The following RTL4 variants were observed in gnomAD, a reference collection of about 807,000 sequenced individuals.
RTL4 encodes retrotransposon Gag-like protein 4.
RTL4 carries 4 observed loss-of-function variants against 5.3 expected under a neutral mutation model. The observed-to-expected ratio is 0.75, with a 90% CI of 0.37 to 1.72. The LOEUF (loss-of-function observed/expected upper bound fraction) is 1.72, where lower values mean the gene tolerates loss of function less well. Ranked by LOEUF, RTL4 falls within the 40% of genes most tolerant of loss-of-function variation. The pLI is 0.04. For missense variants in RTL4, 260 were observed against 227.1 expected (o/e 1.14, Z -0.93); for synonymous variants, 98 against 87.3 (o/e 1.12, Z -0.68).
the RTL4 span, among the ~76,000 whole-genome samples, chrX:112,226,059 C>T: frequency 8.0e-5 from 9 of 112,192 alleles, no homozygotes; most frequent in African/African-American, 2.9e-4. Context: ...CCAGTACAAG[C>T]TGTCACCAGC....
At chrX:112,111,339 C>T in the RTL4 span, among the ~76,000 whole-genome samples, 2 of 111,309 alleles carry the variant, frequency 1.8e-5, no homozygotes, top group African/African-American at 3.3e-5. Flanking sequence ...GACTTCCTGT[C>T]TTTCTCTTTC....
At chrX:112,294,529 G>A in the RTL4 span, among the ~76,000 whole-genome samples, 1 of 111,375 alleles carries the variant, frequency 9.0e-6, no homozygotes, top group East Asian at 2.8e-4. Context: ...AACCTGGGAA[G>A]CAGGGGTTGC....
At chrX:112,190,398 A>G in the RTL4 span, among the ~76,000 whole-genome samples, 2 of 110,642 alleles carry the variant, frequency 1.8e-5, no homozygotes, top group African/African-American at 6.6e-5. Flanking sequence ...GGTCCAGTAG[A>G]AAGGCCACAT....
At chrX:112,310,388 A>ATATC in the RTL4 span, among the ~76,000 whole-genome samples, 1 of 52,324 alleles carries the variant, frequency 1.9e-5, no homozygotes, top group South Asian at 1.2e-3. Flanking sequence ...ATATATATAT[A>ATATC]TATATATATA....
At chrX:112,176,139 A>G in the RTL4 span, among the ~76,000 whole-genome samples, 3 of 111,572 alleles carry the variant, frequency 2.7e-5, no homozygotes, top group South Asian at 1.1e-3. Flanking sequence ...ATTGCTTCAA[A>G]GAGAATACTT....
chrX:112,433,641 A>G, the RTL4 span, among the ~76,000 whole-genome samples: 4 of 47,653 alleles, frequency 8.4e-5, no homozygotes, highest in South Asian at 3.6e-3. Flanking sequence ...GGCTGAGACA[A>G]TGGGGTTTTC....
At chrX:112,236,513 A>T in the RTL4 span, among the ~76,000 whole-genome samples, 1 of 93,300 alleles carries the variant, frequency 1.1e-5, no homozygotes, top group East Asian at 3.4e-4. Flanking sequence ...ATAGATATAT[A>T]TAAAATACGA....
chrX:112,431,194 A>G, the RTL4 span, among the ~76,000 whole-genome samples: 1 of 110,597 alleles, frequency 9.0e-6, no homozygotes, highest in African/African-American at 3.3e-5. Flanking sequence ...CTGGATTTGC[A>G]TATTTCCTTT....
chrX:112,320,504 A>G, the RTL4 span: 2 of 111,272 alleles, frequency 1.8e-5, no homozygotes, highest in African/African-American at 3.3e-5. Context: ...GTTCAAGTCC[A>G]GTGGCAAGAA....
the RTL4 span, among the ~76,000 whole-genome samples, chrX:112,333,308 A>G: frequency 9.0e-6 from 1 of 111,083 alleles, no homozygotes; most frequent in African/African-American, 3.3e-5. Context: ...GATCTAATGT[A>G]CAGCATGAAG....
At chrX:112,443,111 C>A in the RTL4 span, among the ~76,000 whole-genome samples, 6 of 111,724 alleles carry the variant, frequency 5.4e-5, no homozygotes, top group African/African-American at 2.0e-4. Context: ...TGGTAACCAT[C>A]CTTCTACTCT....
the RTL4 span, among the ~76,000 whole-genome samples, chrX:112,436,395 T>TA: frequency 6.0e-3 from 646 of 107,324 alleles, 4 homozygotes; most frequent in African/African-American, 0.02. Context: ...CTTCTTACAA[T>TA]AAAAAAAAAA....
chrX:112,450,650 C>T (rs189285010), upstream of RTL4, among the ~76,000 whole-genome samples: 20 of 111,797 alleles, frequency 1.8e-4, no homozygotes, highest in Non-Finnish European at 2.1e-4. Flanking sequence ...TGGACTAATG[C>T]TTATAATCTT....
chrX:112,274,937 T>C, the RTL4 span, among the ~76,000 whole-genome samples: 1 of 111,350 alleles, frequency 9.0e-6, no homozygotes, highest in African/African-American at 3.3e-5. Context: ...GCTTTACATA[T>C]ATTAACTCAT....
the RTL4 span, among the ~76,000 whole-genome samples, chrX:112,159,466 G>A: frequency 5.4e-5 from 6 of 111,482 alleles, no homozygotes; most frequent in South Asian, 3.8e-4. Flanking sequence ...GTCATTTTAC[G>A]GTGCCAATCT....
At chrX:112,344,167 C>T in the RTL4 span, among the ~76,000 whole-genome samples, 3 of 111,713 alleles carry the variant, frequency 2.7e-5, no homozygotes, top group African/African-American at 9.8e-5. Context: ...AGCTTTTCTT[C>T]GTAAAGCCAT....
the RTL4 span, among the ~76,000 whole-genome samples, chrX:112,136,084 T>G: frequency 9.1e-6 from 1 of 110,482 alleles, no homozygotes; most frequent in Non-Finnish European, 1.9e-5. Flanking sequence ...TTATTCTTTT[T>G]GATACTATTG....
chrX:112,113,068 A>G, the RTL4 span, among the ~76,000 whole-genome samples: 2 of 111,714 alleles, frequency 1.8e-5, no homozygotes, highest in African/African-American at 6.5e-5. Context: ...GGACTGCTGC[A>G]TTTTCTTACA....
chrX:112,225,070 C>T, the RTL4 span, among the ~76,000 whole-genome samples: 2 of 112,012 alleles, frequency 1.8e-5, no homozygotes, highest in Admixed American at 1.9e-4. Flanking sequence ...AACATTAAGT[C>T]ACAGAGTTAT....
Sources: gnomAD v4.1 joint callset for allele counts (sites outside exome capture counted in the v4.1 genomes callset) on GRCh38, gnomAD v4.1.1 for gene constraint, MANE v1.5 for transcripts, NCBI Gene and HGNC (gene_info 2026-07-23, HGNC 2026-07-21) for gene names.